AUTS2: variants seen among roughly 807,000 people sequenced by gnomAD.
AUTS2 encodes activator of transcription and developmental regulator AUTS2, also known as autism susceptibility gene 2 protein.
AUTS2 carries 17 observed loss-of-function variants against 112.4 expected under a neutral mutation model. The ratio of observed to expected loss-of-function variants is 0.15; its 90% CI spans 0.10 to 0.23. The LOEUF (loss-of-function observed/expected upper bound fraction) is 0.23. Ranked by LOEUF, AUTS2 falls within the 10% of genes least tolerant of loss-of-function variation. The pLI, the probability that AUTS2 is intolerant of heterozygous loss-of-function variation, is 1.00. For synonymous variants in AUTS2, 751 were observed against 702.7 expected (o/e 1.07, Z -1.09); for missense variants, 1,510 against 1,701.6 (o/e 0.89, Z 1.98).
chr7:70,373,510 G>C (rs1461865873), intron 4 of AUTS2, among the ~76,000 whole-genome samples: 1 of 151,944 alleles, frequency 6.6e-6, no homozygotes, highest in Non-Finnish European at 1.5e-5. Flanking sequence ...TAAATGCAGG[G>C]GTAGGCATTT....
intron 1 of AUTS2, among the ~76,000 whole-genome samples, chr7:69,624,579 G>C (rs1037738125): frequency 2.0e-5 from 3 of 152,228 alleles, no homozygotes; most frequent in African/African-American, 7.2e-5. Context: ...CTGTGTGCAA[G>C]TGGAGGGAGA....
At chr7:69,685,109 TG>T (rs1156800436) in intron 1 of AUTS2, among the ~76,000 whole-genome samples, 2 of 152,224 alleles carry the variant, frequency 1.3e-5, no homozygotes, top group Non-Finnish European at 2.9e-5. Context: ...GGAGGGCCTC[TG>T]TGCTGTGAGT....
intron 5 of AUTS2, chr7:70,436,125 A>G (rs1291063567): frequency 4.3e-6 from 1 of 232,346 alleles, no homozygotes; most frequent in Non-Finnish European, 8.3e-6. Context: ...TGAGAACGTT[A>G]AACTTGCTAG....
intron 2 of AUTS2, among the ~76,000 whole-genome samples, chr7:69,935,725 A>G (rs970797993): frequency 1.3e-5 from 2 of 152,182 alleles, no homozygotes; most frequent in African/African-American, 2.4e-5. Context: ...CGGAATATGT[A>G]GGTATTAATG....
intron 1 of AUTS2, among the ~76,000 whole-genome samples, chr7:69,834,133 T>A (rs950547408): frequency 1.3e-5 from 2 of 152,066 alleles, no homozygotes; most frequent in African/African-American, 4.8e-5. Context: ...ACTGTTAAAC[T>A]CCCCTGCACC....
chr7:70,768,877 C>CTTTTCT, intron 10 of AUTS2, among the ~76,000 whole-genome samples: 1 of 108,224 alleles, frequency 9.2e-6, no homozygotes, highest in African/African-American at 3.5e-5. Context: ...CCAGTGATTT[C>CTTTTCT]TTTTTTTTTT....
Position 70,171,083 on chromosome 7 carries a change from G to A in AUTS2, c.660+36512G>A, listed in dbSNP as rs192200210. Among the ~76,000 whole-genome samples, 130 of 152,286 alleles carry A rather than the reference G, an allele frequency of 8.5e-4. 1 individual carries two copies. The highest frequency in any genetic ancestry group is 1.5e-3 in the Non-Finnish European group (104 of 68,010). On this transcript the variant is annotated intron_variant, in intron 4 of 18. Coordinates refer to ENST00000342771, the MANE Select transcript of AUTS2 (RefSeq NM_015570.4). ...CTACTGCCAGGTTCTGTAGTTATTTGTATGTCTCATGGAGAAATCCTCATT... is the reference window on the plus strand; with the variant it reads ...CTACTGCCAGGTTCTGTAGTTATTTATATGTCTCATGGAGAAATCCTCATT...
chr7:70,165,462 A>G (rs1808332797), intron 4 of AUTS2, among the ~76,000 whole-genome samples: 1 of 152,252 alleles, frequency 6.6e-6, no homozygotes, highest in African/African-American at 2.4e-5. Flanking sequence ...AGTACATTTT[A>G]TGTCAGAAAT....
chr7:70,660,311 T>C (rs1807003696), intron 5 of AUTS2, among the ~76,000 whole-genome samples: 1 of 152,192 alleles, frequency 6.6e-6, no homozygotes. Context: ...GTGTGATGTC[T>C]TTCTCTAAAC....
At chr7:69,853,343 A>G (rs913726112) in intron 1 of AUTS2, among the ~76,000 whole-genome samples, 2 of 151,988 alleles carry the variant, frequency 1.3e-5, no homozygotes, top group Non-Finnish European at 2.9e-5. Context: ...GGATTACTAT[A>G]TTTGCTTGAT....
Position 70,547,654 on chromosome 7 carries a change from T to C in AUTS2, c.690+111873T>C, listed in dbSNP as rs186069049. 1.8e-3 allele frequency among the ~76,000 whole-genome samples: 269 copies of C among 152,360 alleles called. 1 individual carries two copies. Among genetic ancestry groups the C allele is most frequent in the African/African-American group, 6.2e-3 (257 of 41,580 alleles). On this transcript the variant is annotated intron_variant, in intron 5 of 18. Transcript: ENST00000342771. ...TCCATAATTTGTTTCCGTTAATTGC[T>C]GAATAGTATTCCATTGTATGGATAT...
intron 4 of AUTS2, among the ~76,000 whole-genome samples, chr7:70,135,382 T>C (rs1156636912): frequency 6.6e-6 from 1 of 152,208 alleles, no homozygotes; most frequent in Non-Finnish European, 1.5e-5. Context: ...TAAAGGAATC[T>C]GATTGGTGTT....
chr7:70,725,414 T>C (rs556410638), intron 6 of AUTS2, among the ~76,000 whole-genome samples: 1 of 152,312 alleles, frequency 6.6e-6, no homozygotes, highest in Non-Finnish European at 1.5e-5. Context: ...TCCTTTTTAA[T>C]AAGGGCAACT....
chr7:70,448,321 T>C (rs1398017809), intron 5 of AUTS2, among the ~76,000 whole-genome samples: 1 of 152,178 alleles, frequency 6.6e-6, no homozygotes, highest in Non-Finnish European at 1.5e-5. Context: ...AAGCCAGACA[T>C]AAAGTGAGTT....
chr7:70,781,127 G>A (rs558634961), intron 14 of AUTS2, among the ~76,000 whole-genome samples: 19 of 152,160 alleles, frequency 1.2e-4, no homozygotes, highest in East Asian at 7.8e-4. Context: ...TTGGGAGACC[G>A]AGATGGGCGG....
Position 69,753,991 on chromosome 7 carries a change from C to A in AUTS2, c.310-145295C>A, listed in dbSNP as rs1787846821. On this transcript the variant is annotated intron_variant, in intron 1 of 18. Transcript: ENST00000342771. ...ATGTAGTCTAACAGTGGCCTGTTTT[C>A]CTTTGCCTCAACTGTGACATCCCCT... 2.6e-5 allele frequency among the ~76,000 whole-genome samples: 4 copies of A among 152,288 alleles called. 1 individual carries two copies. The South Asian group carries it at 6.2e-4, about 24-fold the overall frequency.
At chr7:69,670,555 C>CAAAAAAAAAAAAAAAAAAAA (rs200373158) in intron 1 of AUTS2, among the ~76,000 whole-genome samples, 1 of 119,072 alleles carries the variant, frequency 8.4e-6, no homozygotes, top group African/African-American at 3.3e-5. Context: ...CTTGATCCCT[C>CAAAAAAAAAAAAAAAAAAAA]AAAAAAAAAA....
At chr7:70,689,112 T>C (rs1168067543) in intron 5 of AUTS2, among the ~76,000 whole-genome samples, 1 of 152,176 alleles carries the variant, frequency 6.6e-6, no homozygotes, top group African/African-American at 2.4e-5. Context: ...ATCCCAGCAC[T>C]TTGGGAGGCA....
intron 5 of AUTS2, among the ~76,000 whole-genome samples, chr7:70,450,996 A>C (rs1025631384): frequency 1.3e-5 from 2 of 152,110 alleles, no homozygotes; most frequent in African/African-American, 2.4e-5. Flanking sequence ...CAGGACCTTC[A>C]GCTGGATGAG....
Sources: allele counts gnomAD v4.1 joint callset (sites outside exome capture counted in the v4.1 genomes callset), GRCh38; gene constraint gnomAD v4.1.1; transcripts MANE v1.5; gene names NCBI Gene and HGNC (gene_info 2026-07-23, HGNC 2026-07-21).